LTBP1: variants seen among roughly 807,000 people sequenced by gnomAD.
LTBP1 encodes latent-transforming growth factor beta-binding protein 1.
Under a neutral mutation model 207.6 loss-of-function variants are expected in LTBP1, and 129 were observed. The ratio of observed to expected loss-of-function variants is 0.62; its 90% CI spans 0.54 to 0.72. The LOEUF (loss-of-function observed/expected upper bound fraction) is 0.72, where lower values mean the gene tolerates loss of function less well. LTBP1 is among the 30% of genes least tolerant of loss of function. LTBP1 has a pLI of 0.00. For missense variants in LTBP1, 2,281 were observed against 2,217.2 expected (o/e 1.03, Z -0.58); for synonymous variants, 963 against 833.7 (o/e 1.16, Z -2.67).
chr2:32,983,731 G>A (rs13384221), intron 2 of LTBP1, among the ~76,000 whole-genome samples: 4,774 of 152,230 alleles, frequency 0.031, 244 homozygotes, highest in African/African-American at 0.11. Context: ...CATGCCTGAC[G>A]CCATGTAAAA....
chr2:33,100,185 C>T (rs773988041), intron 3 of LTBP1, among the ~76,000 whole-genome samples: 8 of 152,238 alleles, frequency 5.3e-5, no homozygotes, highest in Non-Finnish European at 7.4e-5. Flanking sequence ...TAACGTGTTC[C>T]GGCTACAGAG....
At chr2:33,391,300 A>G (rs2095312674) in intron 32 of LTBP1, among the ~76,000 whole-genome samples, 1 of 137,488 alleles carries the variant, frequency 7.3e-6, no homozygotes, top group Non-Finnish European at 1.5e-5. Flanking sequence ...CCATAGATGA[A>G]CAACACTCTT....
intron 31 of LTBP1, 56 bp from the exon 32 acceptor site, chr2:33,389,128 T>A (rs1423961906): frequency 6.2e-7 from 1 of 1,608,270 alleles, no homozygotes; most frequent in Non-Finnish European, 8.5e-7. Flanking sequence ...TGCGAGGGGG[T>A]GGGGCAGGTG....
At chr2:32,959,621 ATT>A (rs397972038) in intron 2 of LTBP1, among the ~76,000 whole-genome samples, 31 of 36,662 alleles carry the variant, frequency 8.5e-4, no homozygotes, top group African/African-American at 2.9e-3. Context: ...ATATATATAT[ATT>A]TTTTTTTTTT....
chr2:33,078,999 C>T (rs1296761869), intron 3 of LTBP1, among the ~76,000 whole-genome samples: 1 of 151,852 alleles, frequency 6.6e-6, no homozygotes, highest in Non-Finnish European at 1.5e-5. Flanking sequence ...GCTGGGATTA[C>T]AGGCGCACAC....
intron 3 of LTBP1, among the ~76,000 whole-genome samples, chr2:33,064,275 A>G (rs538938646): frequency 6.6e-6 from 1 of 152,342 alleles, no homozygotes; most frequent in African/African-American, 2.4e-5. Flanking sequence ...CAAAATTTCA[A>G]AATTCACACA....
chr2:32,983,156 C>T (rs1293280430), intron 2 of LTBP1, among the ~76,000 whole-genome samples: 1 of 151,224 alleles, frequency 6.6e-6, no homozygotes, highest in Admixed American at 6.6e-5. Flanking sequence ...TCTCTTGTAT[C>T]AGTGTGACCT....
rs556866257 is a variant in LTBP1 at position 33,199,046 on chromosome 2, A to AT, written c.1701+10198dup. On this transcript the variant is annotated intron_variant, in intron 7 of 33. Transcript: ENST00000404816. ...CTCTTGTGGGCATTTAGTGCTATAA[A>AT]TTTCCCTCTACACACTGCTTCGAAT... Among the ~76,000 whole-genome samples the AT allele has an allele frequency of 1.6e-4, 25 of 151,750 alleles. 1 individual carries two copies. The East Asian group carries it at 4.9e-3, about 30-fold the overall frequency.
At chr2:33,128,474 A>G (rs1304739087) in intron 4 of LTBP1, among the ~76,000 whole-genome samples, 5 of 152,258 alleles carry the variant, frequency 3.3e-5, no homozygotes, top group Non-Finnish European at 5.9e-5. Context: ...ACATCTGCAC[A>G]TCCGGGTCCT....
At chr2:32,997,699 G>A (rs1246550396) in intron 2 of LTBP1, among the ~76,000 whole-genome samples, 1 of 152,164 alleles carries the variant, frequency 6.6e-6, no homozygotes, top group Non-Finnish European at 1.5e-5. Context: ...CAACTCCAAA[G>A]CTGTGACACC....
chr2:33,260,903 A>C (rs2092991961), intron 13 of LTBP1, among the ~76,000 whole-genome samples: 1 of 152,228 alleles, frequency 6.6e-6, no homozygotes, highest in African/African-American at 2.4e-5. Context: ...AAAAACCCCC[A>C]AAATTTTCTT....
chr2:33,106,089 A>T (rs1402441542), intron 3 of LTBP1, among the ~76,000 whole-genome samples: 1 of 152,344 alleles, frequency 6.6e-6, no homozygotes, highest in Middle Eastern at 3.4e-3. Flanking sequence ...TTCTTTGCTC[A>T]TCTGTAAGAA....
chr2:33,123,909 C>A (rs1053960638), intron 4 of LTBP1, among the ~76,000 whole-genome samples: 6 of 152,088 alleles, frequency 3.9e-5, no homozygotes, highest in African/African-American at 1.4e-4. Context: ...TTTAAAATTA[C>A]AGAAATCAAT....
chr2:33,147,338 A>G (rs1452306492), intron 5 of LTBP1, among the ~76,000 whole-genome samples: 1 of 152,204 alleles, frequency 6.6e-6, no homozygotes, highest in African/African-American at 2.4e-5. Flanking sequence ...TATGGATCTT[A>G]TTAAATGCAG....
chr2:33,224,300 C>G (rs4671035), intron 9 of LTBP1, among the ~76,000 whole-genome samples: 61,709 of 151,986 alleles, frequency 0.41, 13,551 homozygotes, highest in Non-Finnish European at 0.49. Flanking sequence ...AGAGGAGGGT[C>G]CTTATTTATC....
intron 7 of LTBP1, among the ~76,000 whole-genome samples, chr2:33,207,691 A>G (rs756701113): frequency 2.2e-4 from 34 of 152,214 alleles, no homozygotes; most frequent in Non-Finnish European, 2.5e-4. Context: ...CCTTAGAACA[A>G]GTTGATCAAA....
intron 20 of LTBP1, among the ~76,000 whole-genome samples, chr2:33,298,233 G>A (rs2093918432): frequency 6.6e-6 from 1 of 152,136 alleles, no homozygotes; most frequent in Non-Finnish European, 1.5e-5. Context: ...TCATTTTAAA[G>A]ACCCAAAGAT....
intron 3 of LTBP1, among the ~76,000 whole-genome samples, chr2:33,051,298 T>A (rs2076726774): frequency 6.6e-6 from 1 of 152,092 alleles, no homozygotes; most frequent in South Asian, 2.1e-4. Context: ...GTGCCTGTTG[T>A]TCTAGCTACT....
At chr2:33,363,780 G>A (rs570374782) in intron 29 of LTBP1, among the ~76,000 whole-genome samples, 36 of 152,304 alleles carry the variant, frequency 2.4e-4, no homozygotes, top group African/African-American at 8.7e-4. Flanking sequence ...TATAACTGAA[G>A]TGTTCTTTTG....
Sources: gnomAD v4.1 joint callset for allele counts (sites outside exome capture counted in the v4.1 genomes callset) on GRCh38, gnomAD v4.1.1 for gene constraint, MANE v1.5 for transcripts, NCBI Gene and HGNC (gene_info 2026-07-23, HGNC 2026-07-21) for gene names.